Variants in PCDHA11 observed in about 807,000 individuals in gnomAD.
PCDHA11 encodes the protein protocadherin alpha-11.
PCDHA11 carries 61 observed loss-of-function variants against 70.3 expected under a neutral mutation model. The ratio of observed to expected loss-of-function variants is 0.87; its 90% CI spans 0.71 to 1.07. The LOEUF (loss-of-function observed/expected upper bound fraction) is 1.07, where lower values mean the gene tolerates loss of function less well. Among genes scored for constraint, PCDHA11 ranks in the 50% least tolerant of loss-of-function variants. The pLI is 0.00. For missense variants in PCDHA11, 1,324 were observed against 1,237.5 expected, an observed-to-expected ratio of 1.07 and a Z score of -1.05; for synonymous variants, 633 against 555.1, an observed-to-expected ratio of 1.14 and a Z score of -1.97.
At chr5:140,955,438 A>C (rs975663366) in intron 1 of PCDHA11, among the ~76,000 whole-genome samples, 2 of 151,994 alleles carry the variant, frequency 1.3e-5, no homozygotes, top group African/African-American at 4.8e-5. Context: ...ATTAGGTCTG[A>C]TGGTTTTATA....
intron 1 of PCDHA11, among the ~76,000 whole-genome samples, chr5:140,919,658 T>C (rs1271844986): frequency 2.0e-5 from 3 of 152,230 alleles, no homozygotes; most frequent in Non-Finnish European, 2.9e-5. Context: ...GTTTACCATA[T>C]ATATTTTAGC....
intron 1 of PCDHA11, among the ~76,000 whole-genome samples, chr5:140,948,945 A>C: frequency 6.6e-6 from 1 of 151,662 alleles, no homozygotes; most frequent in East Asian, 1.9e-4. Flanking sequence ...TCTAATATAA[A>C]AAAATTAAAG....
intron 1 of PCDHA11, among the ~76,000 whole-genome samples, chr5:140,953,875 C>T (rs1054189459): frequency 4.6e-5 from 7 of 152,088 alleles, no homozygotes; most frequent in Admixed American, 4.6e-4. Context: ...CTGCACAGAT[C>T]AACCCATCAC....
intron 3 of PCDHA11, among the ~76,000 whole-genome samples, chr5:140,996,253 A>C (rs2153938437): frequency 6.6e-6 from 1 of 152,370 alleles, no homozygotes; most frequent in African/African-American, 2.4e-5. Flanking sequence ...AAGTGACAGC[A>C]ACACAGAGCC....
At chr5:140,877,798 C>T in intron 1 of PCDHA11, 2 of 1,613,568 alleles carry the variant, frequency 1.2e-6, no homozygotes. Flanking sequence ...CAGCCCAAGC[C>T]TTCAGCTGTC....
chr5:140,997,046 T>C (rs2097756944), intron 3 of PCDHA11, among the ~76,000 whole-genome samples: 1 of 152,176 alleles, frequency 6.6e-6, no homozygotes, highest in Admixed American at 6.5e-5. Flanking sequence ...AACTTTACTT[T>C]TTAGAGCAGT....
intron 1 of PCDHA11, among the ~76,000 whole-genome samples, chr5:140,963,794 A>G (rs2095791576): frequency 6.6e-6 from 1 of 152,248 alleles, no homozygotes; most frequent in Non-Finnish European, 1.5e-5. Flanking sequence ...ACAATAATGT[A>G]CTTAACTAGT....
At chr5:140,929,316 C>G in intron 1 of PCDHA11, 1 of 1,556,954 alleles carries the variant, frequency 6.4e-7, no homozygotes, top group Non-Finnish European at 8.7e-7. Flanking sequence ...ACGCTAATGT[C>G]AATGCCATGG....
At chr5:140,956,057 T>C (rs2095252530) in intron 1 of PCDHA11, among the ~76,000 whole-genome samples, 1 of 152,308 alleles carries the variant, frequency 6.6e-6, no homozygotes, top group South Asian at 2.1e-4. Flanking sequence ...GCTGAGACAA[T>C]GGGGTTTTCC....
intron 1 of PCDHA11, among the ~76,000 whole-genome samples, chr5:140,888,313 G>C (rs1434881975): frequency 6.6e-6 from 1 of 152,154 alleles, no homozygotes; most frequent in Non-Finnish European, 1.5e-5. Context: ...ATTTGGCAAT[G>C]CCTGGATACA....
chr5:140,973,582 T>C lies in PCDHA11; in HGVS notation c.2392-5367T>C, dbSNP rs76146918. Among the ~76,000 whole-genome samples the C allele has an allele frequency of 4.6e-3, 708 of 152,364 alleles. 4 individuals are homozygous for C. The highest frequency in any genetic ancestry group is 0.016 in the African/African-American group (685 of 41,596). On this transcript the variant is annotated intron_variant, in intron 1 of 3. Coordinates refer to ENST00000398640, the MANE Select transcript of PCDHA11 (RefSeq NM_018902.5). ...TTTCCTCAATTTTTCTACAGACTGC[T>C]GAGCCAGATGGAATTATGGCTGAGC...
intron 1 of PCDHA11, among the ~76,000 whole-genome samples, chr5:140,910,128 T>C (rs2074896985): frequency 6.6e-6 from 1 of 152,238 alleles, no homozygotes; most frequent in African/African-American, 2.4e-5. Flanking sequence ...GTCTGTAAAC[T>C]GGTTTAAGTC....
rs1454972321 is a variant in PCDHA11 at position 140,869,738 on chromosome 5, T to C, written c.635T>C (p.Leu212Pro). 1.2e-6 allele frequency: 2 copies of C among 1,613,348 alleles called. No individual in the cohort carries two copies. The highest frequency in any genetic ancestry group is 8.5e-7 in the Non-Finnish European group (1 of 1,179,820). ...AAAACTCCGGAACTTAATTTGCTGC[T>C]AACAGCTACAGACGGGGGAAAACCA... ...REKTPELNLL[L>P]TATDGGKPEL... Residue 212 changes from leucine to proline, a missense_variant, in exon 1 of 4, where the codon CTA becomes CCA. Coordinates refer to ENST00000398640, the MANE Select transcript of PCDHA11 (RefSeq NM_018902.5).
chr5:140,949,892 C>G (rs2094430270), intron 1 of PCDHA11, among the ~76,000 whole-genome samples: 1 of 151,674 alleles, frequency 6.6e-6, no homozygotes, highest in African/African-American at 2.4e-5. Context: ...TCCTCAGAAT[C>G]TCTTTTAATT....
At chr5:140,982,218 G>A (rs1054533925) in intron 2 of PCDHA11, 11 of 523,574 alleles carry the variant, frequency 2.1e-5, no homozygotes, top group African/African-American at 7.7e-5. Context: ...GCCACATGGC[G>A]TTAATAAAAA....
intron 1 of PCDHA11, among the ~76,000 whole-genome samples, chr5:140,973,299 T>C (rs1191449890): frequency 1.3e-5 from 2 of 152,198 alleles, no homozygotes; most frequent in African/African-American, 4.8e-5. Flanking sequence ...TTCTATCTGA[T>C]GACTCTATCC....
chr5:140,959,102 G>A (rs556528085), intron 1 of PCDHA11, among the ~76,000 whole-genome samples: 2 of 152,214 alleles, frequency 1.3e-5, no homozygotes, highest in South Asian at 4.2e-4. Flanking sequence ...ACATTCAGCA[G>A]GGGTCCGAAG....
intron 1 of PCDHA11, chr5:140,968,473 G>T (rs1389339011): frequency 6.2e-7 from 1 of 1,613,980 alleles, no homozygotes; most frequent in African/African-American, 1.3e-5. Context: ...ACGTATATGT[G>T]GTGGACATGA....
intron 1 of PCDHA11, among the ~76,000 whole-genome samples, chr5:140,961,502 T>C (rs6891232): frequency 0.023 from 3,568 of 152,334 alleles, 49 homozygotes; most frequent in Middle Eastern, 0.034. Context: ...TTGGGAGACT[T>C]TGTTTAATGT....
Sources: gnomAD v4.1 joint callset for allele counts (sites outside exome capture counted in the v4.1 genomes callset) on GRCh38, gnomAD v4.1.1 for gene constraint, MANE v1.5 for transcripts, NCBI Gene and HGNC (gene_info 2026-07-23, HGNC 2026-07-21) for gene names.